LIX1L: variants seen among roughly 807,000 people sequenced by gnomAD.
LIX1L encodes the protein LIX1-like protein.
LIX1L carries 20 observed loss-of-function variants against 34.0 expected under a neutral mutation model. That is an observed-to-expected ratio of 0.59 (90% confidence interval 0.41 to 0.85). LIX1L has a LOEUF of 0.85. Ranked by LOEUF, LIX1L falls within the 40% of genes least tolerant of loss-of-function variation. The probability of loss-of-function intolerance (pLI) is 0.00; values close to 1 mark genes in which losing one functional copy is unlikely to be tolerated. For synonymous variants in LIX1L, 170 were observed against 187.4 expected (o/e 0.91, Z 0.76); for missense variants, 397 against 447.0 (o/e 0.89, Z 1.01).
chr1:145,938,100 C>T (rs1247347500), intron 3 of LIX1L, among the ~76,000 whole-genome samples: 2 of 144,590 alleles, frequency 1.4e-5, no homozygotes, highest in Admixed American at 7.0e-5. Context: ...CCAGCCTGGA[C>T]AACAGAGTGA....
At position 145,937,363 on chromosome 1, in the gene LIX1L, G is replaced by A. The variant is rs587621760; in HGVS notation, c.693+241C>T. ...ATTTTTGTATTTTTAGTAGAAACGG[G>A]GCTTTGCCATGTCTCAAACTCCTGG... On this transcript the variant is annotated intron_variant, in intron 4 of 5. Coordinates refer to ENST00000604000, the MANE Select transcript of LIX1L (RefSeq NM_153713.3). 59 of 322,792 alleles carry A rather than the reference G, an allele frequency of 1.8e-4. 1 individual carries two copies. The highest frequency in any genetic ancestry group is 1.7e-3 in the Admixed American group (36 of 20,820). 20.0% of individuals were successfully genotyped at this position (322,792 alleles called of 1,614,324 possible). A position where few individuals can be genotyped will look rare whatever the true frequency, so the allele number is the denominator to read the frequency against.
At chr1:145,940,550 CTTTTTTT>C (rs60579602) in intron 3 of LIX1L, among the ~76,000 whole-genome samples, 7 of 118,892 alleles carry the variant, frequency 5.9e-5, no homozygotes, top group African/African-American at 1.7e-4. Flanking sequence ...CCTTTTCTTT[CTTTTTTT>C]TTTTTTTTTT....
At position 145,936,297 on chromosome 1, in the gene LIX1L, T is replaced by C. The variant is rs781970878; in HGVS notation, c.*13A>G. On this transcript the variant is annotated 3_prime_UTR_variant, in exon 6 of 6. Coordinates refer to ENST00000604000, the MANE Select transcript of LIX1L (RefSeq NM_153713.3). The stretch of plus-strand genomic sequence containing the variant: ...AGGCTGTGGAAAGCCTGGGGAGTTA[T>C]GTGGGTGGATGCCTAGCAGTTGGAA... The C allele has an allele frequency of 1.5e-5, 25 of 1,613,132 alleles. No homozygotes were observed. The highest frequency in any genetic ancestry group is 9.9e-5 in the South Asian group (9 of 91,064).
chr1:145,943,350 G>A (rs1433440348), intron 2 of LIX1L, among the ~76,000 whole-genome samples: 1 of 152,094 alleles, frequency 6.6e-6, no homozygotes, highest in Non-Finnish European at 1.5e-5. Flanking sequence ...TTGGAATCTC[G>A]GACTTCATTT....
intron 1 of LIX1L, among the ~76,000 whole-genome samples, chr1:145,951,074 T>C (rs782018275): frequency 1.3e-5 from 2 of 151,918 alleles, no homozygotes; most frequent in Non-Finnish European, 2.9e-5. Flanking sequence ...TGAGTTGGAG[T>C]CTCCCTCTGT....
In LIX1L at chr1:145,936,266, A is replaced by T. The variant is rs1334475669; in HGVS notation, c.*44T>A. The T allele has an allele frequency of 8.2e-6, 13 of 1,583,708 alleles. No homozygotes were observed. Among genetic ancestry groups the T allele is most frequent in the Middle Eastern group, 1.7e-4 (1 of 5,940 alleles). ...ATCCTAAATCTTAGAAAGGAGACATAAAAAAAGGCTGTGGAAAGCCTGGGG... is the reference window on the plus strand; with the variant it reads ...ATCCTAAATCTTAGAAAGGAGACATTAAAAAAGGCTGTGGAAAGCCTGGGG... On this transcript the variant is annotated 3_prime_UTR_variant, in exon 6 of 6. Coordinates refer to ENST00000604000, the MANE Select transcript of LIX1L (RefSeq NM_153713.3).
At chr1:145,957,536 C>T (rs914810259) in intron 1 of LIX1L, 100 bp downstream of exon 1, 10 of 1,329,426 alleles carry the variant, frequency 7.5e-6, no homozygotes, top group Admixed American at 8.0e-5. Context: ...AAAGGAAATG[C>T]ATGTGAGGGC....
At chr1:145,937,325 G>A (rs1163089797) in intron 4 of LIX1L, 5 of 270,092 alleles carry the variant, frequency 1.9e-5, no homozygotes, top group Admixed American at 5.1e-5. Flanking sequence ...ACAGGCATGT[G>A]CCATCATAGC....
In LIX1L at chr1:145,936,128, C is replaced by CGTT. The variant is rs1648630749; in HGVS notation, c.*181_*182insAAC. The stretch of plus-strand genomic sequence containing the variant: ...AAGATGTTTCAAATAAAACTACATC[C>CGTT]AAAAACTGGTAGTAAGAAAAGGGAT... On this transcript the variant is annotated 3_prime_UTR_variant, in exon 6 of 6. Transcript: ENST00000604000. 1 of 676,112 alleles carries CGTT rather than the reference C, an allele frequency of 1.5e-6. No homozygotes were observed. The highest frequency in any genetic ancestry group is 1.8e-5 in the African/African-American group (1 of 55,106). 41.9% of individuals were successfully genotyped at this position (676,112 alleles called of 1,614,324 possible).
Position 145,936,194 on chromosome 1 carries a change from TA to T in LIX1L, c.*115del, listed in dbSNP as rs1648634836. On this transcript the variant is annotated 3_prime_UTR_variant, in exon 6 of 6. Transcript: ENST00000604000. ...AATCTAGGTGTAGAATTTATACACA[TA>T]TATATTTTTTAAAGTATAAAAATGA... 2.6e-6 allele frequency: 3 copies of T among 1,155,756 alleles called. No individual in the cohort carries two copies. Among genetic ancestry groups the T allele is most frequent in the Admixed American group, 2.8e-5 (1 of 35,506 alleles). 71.6% of individuals were successfully genotyped at this position (1,155,756 alleles called of 1,614,324 possible).
intron 2 of LIX1L, among the ~76,000 whole-genome samples, chr1:145,946,521 A>G (rs1438650800): frequency 6.6e-6 from 1 of 152,150 alleles, no homozygotes; most frequent in African/African-American, 2.4e-5. Context: ...TTCTAAGGGA[A>G]AAAATTTCAT....
chr1:145,949,478 T>A (rs587601793), intron 1 of LIX1L, among the ~76,000 whole-genome samples: 16 of 152,146 alleles, frequency 1.1e-4, no homozygotes, highest in Middle Eastern at 6.8e-3. Context: ...ACCATATGGC[T>A]ATGAAAGAGT....
intron 1 of LIX1L, among the ~76,000 whole-genome samples, chr1:145,954,465 A>G (rs1300198632): frequency 1.3e-5 from 2 of 152,250 alleles, no homozygotes; most frequent in Non-Finnish European, 2.9e-5. Context: ...AGGAAAAGGA[A>G]CAACTAAATA....
chr1:145,933,512 C>T lies in LIX1L; in HGVS notation c.*2798G>A, dbSNP rs1483313355. On this transcript the variant is annotated 3_prime_UTR_variant, in exon 6 of 6. Transcript: ENST00000604000. ...AAGAAGATGAGTAAAATCTTTGACA[C>T]CAGAAGTGGACAGATCAGGAAACAA... The T allele has an allele frequency of 6.6e-6, 1 of 152,054 alleles. No homozygotes were observed. Among genetic ancestry groups the T allele is most frequent in the Non-Finnish European group, 1.5e-5 (1 of 68,004 alleles). 9.4% of individuals were successfully genotyped at this position (152,054 alleles called of 1,614,324 possible). A position where few individuals can be genotyped will look rare whatever the true frequency, so the allele number is the denominator to read the frequency against.
At chr1:145,941,689 G>A (rs987038597) in intron 3 of LIX1L, among the ~76,000 whole-genome samples, 5 of 152,048 alleles carry the variant, frequency 3.3e-5, no homozygotes, top group South Asian at 2.1e-4. Flanking sequence ...TCTAATCTTG[G>A]CGTGACCAAT....
intron 3 of LIX1L, among the ~76,000 whole-genome samples, chr1:145,939,652 T>C (rs1648817843): frequency 6.7e-6 from 1 of 150,190 alleles, no homozygotes; most frequent in African/African-American, 2.4e-5. Flanking sequence ...TTTTTTTTTT[T>C]TTTTGAGACA....
intron 3 of LIX1L, 90 bp downstream of exon 3, chr1:145,942,623 T>G: frequency 8.4e-7 from 1 of 1,191,108 alleles, no homozygotes. Flanking sequence ...AAACAAGAAT[T>G]CATGCTCTGT....
At chr1:145,937,770 G>C in intron 3 of LIX1L, 71 bp from the exon 4 acceptor site, 1 of 901,872 alleles carries the variant, frequency 1.1e-6, no homozygotes, top group Admixed American at 1.9e-5. Flanking sequence ...GCACTGTCCA[G>C]TAGAAATATA....
At position 145,934,178 on chromosome 1, in the gene LIX1L, C is replaced by A. The variant is rs973381710; in HGVS notation, c.*2132G>T. 1 of 151,924 alleles carries A rather than the reference C, an allele frequency of 6.6e-6. No homozygotes were observed. The highest frequency in any genetic ancestry group is 2.1e-4 in the South Asian group (1 of 4,816). 9.4% of individuals were successfully genotyped at this position (151,924 alleles called of 1,614,324 possible). On this transcript the variant is annotated 3_prime_UTR_variant, in exon 6 of 6. Coordinates refer to ENST00000604000, the MANE Select transcript of LIX1L (RefSeq NM_153713.3). ...ACAAGGGGGAAATATATATTAGAGA[C>A]CTCCAAAAAAATTCTCTGAAAGGAG... is the stretch of plus-strand genomic sequence containing the variant.
Sources: allele counts gnomAD v4.1 joint callset (sites outside exome capture counted in the v4.1 genomes callset), GRCh38; gene constraint gnomAD v4.1.1; transcripts MANE v1.5; gene names NCBI Gene and HGNC (gene_info 2026-07-23, HGNC 2026-07-21).